The following ALS2CL variants were observed in gnomAD, a reference collection of about 807,000 sequenced individuals.
The protein encoded by ALS2CL is ALS2 C-terminal-like protein.
Under a neutral mutation model 127.9 loss-of-function variants are expected in ALS2CL, and 112 were observed. That is an observed-to-expected ratio of 0.88 (90% confidence interval 0.75 to 1.02). ALS2CL has a LOEUF of 1.02. ALS2CL is among the 50% of genes least tolerant of loss of function. The pLI, the probability that ALS2CL is intolerant of heterozygous loss-of-function variation, is 0.00. For missense variants in ALS2CL, 1,174 were observed against 1,236.7 expected (o/e 0.95, Z 0.76); for synonymous variants, 519 against 527.6 (o/e 0.98, Z 0.22).
Position 46,681,550 on chromosome 3 carries a change from A to G in ALS2CL, c.1224T>C (p.Cys408=). ...TGCCTTCTCGCCAGTGACACTTGTA[A>G]CAGTCGAACTTGTCCTCAGAGGCCT... ...LPQASEDKFD[C]YKCHWREGSM... is the part of the protein sequence containing the mutation. Residue 408 remains cysteine, a synonymous_variant, in exon 12 of 26, where the codon TGT becomes TGC. Coordinates refer to ENST00000318962, the MANE Select transcript of ALS2CL (RefSeq NM_147129.5). This position sits in a 1 kb window ranked among gnomAD's most constrained non-coding sequence, Gnocchi z 4.9. 3 of 1,614,144 alleles carry G rather than the reference A, an allele frequency of 1.9e-6. No individual in the cohort carries two copies. Among genetic ancestry groups the G allele is most frequent in the Non-Finnish European group, 2.5e-6 (3 of 1,179,990 alleles).
chr3:46,671,664 C>G, intron 24 of ALS2CL, 80 bp from the exon 25 acceptor site: 1 of 1,604,792 alleles, frequency 6.2e-7, no homozygotes. Flanking sequence ...GGGGAAGGAG[C>G]GCTGGCCTGG....
At chr3:46,677,912 C>T (rs1040519786) in intron 16 of ALS2CL, among the ~76,000 whole-genome samples, 2 of 147,720 alleles carry the variant, frequency 1.4e-5, no homozygotes, top group Non-Finnish European at 3.0e-5. Flanking sequence ...CTACATATCC[C>T]TTTCTTTTAA....
In ALS2CL at chr3:46,676,354, T is replaced by G. The variant is rs982620117; in HGVS notation, c.2077A>C (p.Met693Leu). Residue 693 changes from methionine to leucine, a missense_variant, in exon 19 of 26, where the codon ATG (methionine) becomes CTG (leucine). By Grantham distance (15) the Met-to-Leu change is conservative. Transcript: ENST00000318962. ...HPLGKLLRTL[M>L]LTFQATYAGV... is the part of the protein sequence containing the mutation. ...GCGTAGGTAGCCTGGAAGGTCAGCA[T>G]CAGTGTCCGGAGCAGCTTTCCCAGG... The G allele has an allele frequency of 1.7e-5, 27 of 1,613,776 alleles. 1 individual carries two copies. The highest frequency in any genetic ancestry group is 2.3e-5 in the Non-Finnish European group (27 of 1,179,990).
chr3:46,674,083 C>A (rs1037559644), intron 21 of ALS2CL, among the ~76,000 whole-genome samples: 2 of 152,166 alleles, frequency 1.3e-5, no homozygotes, highest in Non-Finnish European at 2.9e-5. Context: ...CTCAGTCTCC[C>A]CTGAGGGACC....
chr3:46,683,402 C>A, intron 9 of ALS2CL, 76 bp from the exon 10 acceptor site: 1 of 1,408,470 alleles, frequency 7.1e-7, no homozygotes, highest in Non-Finnish European at 9.8e-7. Context: ...TCTGGGGTAG[C>A]TCCAGGTACC....
At position 46,681,458 on chromosome 3, in the gene ALS2CL, G is replaced by C. The variant is rs1187191257; in HGVS notation, c.1274+42C>G. ...TCTGCCTCATGGAGCTCAGCCCAGAGGATGGGCCCAGCCCATGAACCCCCC... is the reference window on the plus strand; with the variant it reads ...TCTGCCTCATGGAGCTCAGCCCAGACGATGGGCCCAGCCCATGAACCCCCC... On this transcript the variant is annotated intron_variant, in intron 12 of 25. Coordinates refer to ENST00000318962, the MANE Select transcript of ALS2CL (RefSeq NM_147129.5). The surrounding 1 kb of genome is among the most constrained non-coding windows in gnomAD (Gnocchi z 4.9). 2 of 1,613,504 alleles carry C rather than the reference G, an allele frequency of 1.2e-6. No homozygotes were observed. Among genetic ancestry groups the C allele is most frequent in the Admixed American group, 1.7e-5 (1 of 59,992 alleles).
intron 24 of ALS2CL, 56 bp from the exon 25 acceptor site, chr3:46,671,640 G>A (rs538948373): frequency 3.0e-5 from 49 of 1,611,826 alleles, no homozygotes; most frequent in South Asian, 1.1e-4. Context: ...GAGGCCTGTC[G>A]CGGACAGGCA....
At position 46,678,345 on chromosome 3, in the gene ALS2CL, G is replaced by A. The variant is rs765721750; in HGVS notation, c.1671C>T (p.Phe557=). 43 of 1,613,200 alleles carry A rather than the reference G, an allele frequency of 2.7e-5. No homozygotes were observed. Among genetic ancestry groups the A allele is most frequent in the Middle Eastern group, 1.6e-4 (1 of 6,078 alleles). The part of the protein sequence containing the change: ...FPNGFTLEGS[F]GSGAGRGLHT... ...GCAGTCCTCTCCCTGCCCCACTGCC[G>A]AACGAGCCCTCCAGGGTGAAGCCAT... The change falls in exon 16 of 26, where the codon TTC becomes TTT. Residue 557 remains phenylalanine, a synonymous_variant. Transcript: ENST00000318962.
chr3:46,674,249 C>T (rs957728537), intron 21 of ALS2CL, among the ~76,000 whole-genome samples: 2 of 152,194 alleles, frequency 1.3e-5, no homozygotes, highest in Non-Finnish European at 2.9e-5. Context: ...ACTTCAGGGG[C>T]TCTGAGGGAG....
chr3:46,679,643 G>A (rs527761935), intron 14 of ALS2CL: 1 of 175,500 alleles, frequency 5.7e-6, no homozygotes, highest in South Asian at 1.7e-4. Context: ...GAGCTGACCA[G>A]GCTCCCTTGC....
Position 46,681,711 on chromosome 3 carries a change from G to T in ALS2CL, c.1176-113C>A. 1.9e-6 allele frequency: 2 copies of T among 1,045,274 alleles called. No individual in the cohort carries two copies. Among genetic ancestry groups the T allele is most frequent in the Non-Finnish European group, 2.8e-6 (2 of 702,728 alleles). 64.7% of individuals were successfully genotyped at this position (1,045,274 alleles called of 1,614,324 possible). The stretch of plus-strand genomic sequence containing the variant: ...CCCAAGGAGCCTTCCAGACAACAGG[G>T]AGACTCTCAGAGGCCCTCAGCCTTC... On this transcript the variant is annotated intron_variant, in intron 11 of 25. Transcript: ENST00000318962. The surrounding 1 kb of genome is among the most constrained non-coding windows in gnomAD (Gnocchi z 4.9).
At chr3:46,684,772 C>T (rs1321214882) in intron 7 of ALS2CL, among the ~76,000 whole-genome samples, 1 of 152,172 alleles carries the variant, frequency 6.6e-6, no homozygotes, top group Non-Finnish European at 1.5e-5. Context: ...ATCAGTGTAC[C>T]TGGAGTGGAG....
chr3:46,680,301 G>A, intron 14 of ALS2CL, 129 bp downstream of exon 14: 2 of 1,001,992 alleles, frequency 2.0e-6, no homozygotes, highest in Non-Finnish European at 3.0e-6. Flanking sequence ...CCCAGGTTCT[G>A]GCTCCCTCCA....
intron 13 of ALS2CL, 193 bp from the exon 14 acceptor site, chr3:46,680,734 C>G (rs987801414): frequency 5.1e-6 from 3 of 588,188 alleles, no homozygotes; most frequent in African/African-American, 1.9e-5. Context: ...AGGGAGGCAG[C>G]CTGGGAAGGG....
rs762869457 is a variant in ALS2CL, at chr3:46,687,176, C to G, written c.369-28G>C. 2.0e-6 allele frequency: 3 copies of G among 1,500,166 alleles called. No individual in the cohort carries two copies. The Admixed American group carries it at 6.3e-5, about 32-fold the overall frequency. The allele number at this position is 1,500,166 out of a possible 1,614,324, so 92.9% of individuals were successfully genotyped here. A position where few individuals can be genotyped will look rare whatever the true frequency, so the allele number is the denominator to read the frequency against. On this transcript the variant is annotated intron_variant, in intron 4 of 25. Coordinates refer to ENST00000318962, the MANE Select transcript of ALS2CL (RefSeq NM_147129.5). ...GCGTGTAGAGAGGGCCACGCACCAC[C>G]TTCACCCCTTCCTCCATTCCTGCAC...
chr3:46,674,461 G>T, intron 21 of ALS2CL, 105 bp downstream of exon 21: 1 of 1,399,702 alleles, frequency 7.1e-7, no homozygotes, highest in South Asian at 1.4e-5. Context: ...CTTAGAACTT[G>T]GTGGGTACAT....
intron 7 of ALS2CL, 27 bp from the exon 8 acceptor site, chr3:46,684,074 T>C: frequency 6.4e-7 from 1 of 1,551,104 alleles, no homozygotes; most frequent in Admixed American, 2.0e-5. Flanking sequence ...ACAGGAGTCA[T>C]CCAGAGCCCA....
Position 46,686,998 on chromosome 3 carries a change from C to T in ALS2CL, c.519G>A (p.Gly173=), listed in dbSNP as rs145322504. 4.2e-4 allele frequency: 673 copies of T among 1,600,424 alleles called. 1 individual carries two copies. The African/African-American group carries it at 8.0e-3, about 19-fold the overall frequency. Residue 173 remains glycine, a synonymous_variant, in exon 5 of 26, where the codon GGG becomes GGA. Transcript: ENST00000318962. This position sits in a 1 kb window ranked among gnomAD's most constrained non-coding sequence, Gnocchi z 4.3. ...TGGTACCCACCTCCCCAATGGTGTCCCCGAGGCTCAGCAGGAGGAGCACGT... is the reference window on the plus strand; with the variant it reads ...TGGTACCCACCTCCCCAATGGTGTCTCCGAGGCTCAGCAGGAGGAGCACGT... ...QQYVLLLLSL[G]DTIGEHHPTR... is the part of the protein sequence containing the mutation.
At position 46,683,979 on chromosome 3, in the gene ALS2CL, G is replaced by C. The variant is rs780940833; in HGVS notation, c.845+10C>G. The C allele has an allele frequency of 1.3e-6, 2 of 1,598,398 alleles. No individual in the cohort carries two copies. ...GAAGGCCTGGGGTGTCAGCCGAGGG[G>C]GTTGCTCACCCGTCCTGCCCAGGAT... On this transcript the variant is annotated intron_variant, in intron 8 of 25. Transcript: ENST00000318962.
Sources: allele counts gnomAD v4.1 joint callset (sites outside exome capture counted in the v4.1 genomes callset), GRCh38; gene constraint gnomAD v4.1.1; non-coding constraint Gnocchi (gnomAD v3.1); transcripts MANE v1.5; gene names NCBI Gene and HGNC (gene_info 2026-07-23, HGNC 2026-07-21).